Variants in SLC10A1 observed in about 807,000 individuals in gnomAD.
The protein encoded by SLC10A1 is hepatic sodium/bile acid cotransporter.
SLC10A1 carries 36 observed loss-of-function variants against 20.5 expected under a neutral mutation model. That is an observed-to-expected ratio of 1.75 (90% CI 1.34 to 2.32). The LOEUF (loss-of-function observed/expected upper bound fraction) is 2.32, where lower values mean the gene tolerates loss of function less well. Ranked by LOEUF, SLC10A1 falls within the 30% of genes most tolerant of loss-of-function variation. SLC10A1 has a pLI of 0.00. For synonymous variants in SLC10A1, 188 were observed against 163.6 expected (o/e 1.15, Z -1.14); for missense variants, 545 against 439.1 (o/e 1.24, Z -2.16).
At chr14:69,784,462 G>C (rs1057147037) in intron 2 of SLC10A1, among the ~76,000 whole-genome samples, 2 of 152,130 alleles carry the variant, frequency 1.3e-5, no homozygotes, top group Non-Finnish European at 2.9e-5. Flanking sequence ...GGTCACTCAT[G>C]AGAGAGCTCT....
chr14:69,777,126 T>C (rs1883464679), intron 4 of SLC10A1, among the ~76,000 whole-genome samples: 1 of 152,210 alleles, frequency 6.6e-6, no homozygotes, highest in African/African-American at 2.4e-5. Context: ...AAACCTCAAA[T>C]CTGGGAATTT....
chr14:69,793,211 G>A (rs1382225188), intron 1 of SLC10A1, among the ~76,000 whole-genome samples: 3 of 152,120 alleles, frequency 2.0e-5, no homozygotes, highest in African/African-American at 7.2e-5. Flanking sequence ...GGGTATGCAG[G>A]AGCCATGTTC....
rs763520236 is a variant in SLC10A1 at position 69,778,398 on chromosome 14, TG to T, written c.877del (p.Gln293SerfsTer27). The T allele has an allele frequency of 1.2e-6, 2 of 1,613,750 alleles. No homozygotes were observed. Among genetic ancestry groups the T allele is most frequent in the African/African-American group, 2.7e-5 (2 of 74,870 alleles). On this transcript the variant is annotated frameshift_variant, in exon 4 of 5. Transcript: ENST00000216540. LOFTEE classifies it high-confidence loss of function. ...AATGAGGAGAAGCCCTTCTCCAAGC[TG>T]GAAAATCATGTAGAGGAGGGGAAAG... is the stretch of plus-strand genomic sequence containing the variant. ...FFFPLLYMIF[Q>X]LGEGLLLIAI... is the part of the protein sequence containing the mutation.
chr14:69,782,018 A>G (rs1297623284), intron 2 of SLC10A1, among the ~76,000 whole-genome samples: 1 of 152,170 alleles, frequency 6.6e-6, no homozygotes, highest in Non-Finnish European at 1.5e-5. Context: ...GGCACTCACT[A>G]TATTATTTAT....
chr14:69,784,318 CAAGG>C (rs1429954578), intron 2 of SLC10A1, among the ~76,000 whole-genome samples: 1 of 152,094 alleles, frequency 6.6e-6, no homozygotes, highest in Admixed American at 6.6e-5. Context: ...GCTAGAAGGT[CAAGG>C]AAGGATTGAG....
intron 1 of SLC10A1, among the ~76,000 whole-genome samples, chr14:69,791,220 C>A (rs1328669340): frequency 1.3e-5 from 2 of 151,908 alleles, no homozygotes; most frequent in African/African-American, 4.8e-5. Context: ...AATAAAACTT[C>A]CAGACTTATA....
intron 1 of SLC10A1, among the ~76,000 whole-genome samples, chr14:69,795,519 C>T (rs1882371783): frequency 6.6e-6 from 1 of 150,848 alleles, no homozygotes. Flanking sequence ...ATCCTCTCAT[C>T]TCAGCCTCCC....
intron 2 of SLC10A1, among the ~76,000 whole-genome samples, chr14:69,781,631 C>T (rs1383117486): frequency 6.6e-6 from 1 of 152,198 alleles, no homozygotes; most frequent in Admixed American, 6.5e-5. Flanking sequence ...GTGGGAAATG[C>T]ATGAGTAGAG....
chr14:69,779,376 A>G lies in SLC10A1; in HGVS notation c.568-16T>C. On this transcript the variant is annotated splice_polypyrimidine_tract_variant and intron_variant, in intron 2 of 4. Coordinates refer to ENST00000216540, the MANE Select transcript of SLC10A1 (RefSeq NM_003049.4). ...TCATCCCTCCCTGGGAATGAAGACA[A>G]GAAAAGGCAATTAGAAGAGTTGGGG... 1 of 1,598,420 alleles carries G rather than the reference A, an allele frequency of 6.3e-7. No individual in the cohort carries two copies. Among genetic ancestry groups the G allele is most frequent in the Non-Finnish European group, 8.6e-7 (1 of 1,168,430 alleles).
intron 1 of SLC10A1, among the ~76,000 whole-genome samples, chr14:69,796,184 G>A (rs575755903): frequency 6.6e-6 from 1 of 152,336 alleles, no homozygotes; most frequent in South Asian, 2.1e-4. Flanking sequence ...TGGCTGAGAT[G>A]GGGCTGGCCT....
At chr14:69,788,590 G>A (rs1160961841) in intron 1 of SLC10A1, among the ~76,000 whole-genome samples, 1 of 151,464 alleles carries the variant, frequency 6.6e-6, no homozygotes, top group Non-Finnish European at 1.5e-5. Context: ...TGTCGCCCAG[G>A]CTGGAGTGCA....
At chr14:69,777,609 A>ATTTTTTTTTTTTTTTTTTTT (rs1209960018) in intron 4 of SLC10A1, among the ~76,000 whole-genome samples, 1 of 79,638 alleles carries the variant, frequency 1.3e-5, no homozygotes, top group African/African-American at 4.1e-5. Flanking sequence ...TTTTTTTAAA[A>ATTTTTTTTTTTTTTTTTTTT]TTGGTGTTAA....
chr14:69,779,396 T>C lies in SLC10A1; in HGVS notation c.568-36A>G, dbSNP rs375662105. On this transcript the variant is annotated intron_variant, in intron 2 of 4. Coordinates refer to ENST00000216540, the MANE Select transcript of SLC10A1 (RefSeq NM_003049.4). ...AGACAAGAAAAGGCAATTAGAAGAG[T>C]TGGGGATAGAGAGGAACAGAGGTGG... 5 of 1,571,358 alleles carry C rather than the reference T, an allele frequency of 3.2e-6. No homozygotes were observed. The African/African-American group carries it at 6.8e-5, about 21-fold the overall frequency.
At position 69,776,006 on chromosome 14, in the gene SLC10A1, C is replaced by T; in HGVS notation, c.*276G>A. Reference sequence around the variant, plus strand: ...TGCTTATCAGACACTTTTAGAGATCCCAGCAAGAGGCAGATTCGGTTTCTG... The same window carrying T: ...TGCTTATCAGACACTTTTAGAGATCTCAGCAAGAGGCAGATTCGGTTTCTG... On this transcript the variant is annotated 3_prime_UTR_variant, in exon 5 of 5. Coordinates refer to ENST00000216540, the MANE Select transcript of SLC10A1 (RefSeq NM_003049.4). 2.5e-6 allele frequency: 1 copy of T among 404,472 alleles called. No individual in the cohort carries two copies. The highest frequency in any genetic ancestry group is 4.4e-6 in the Non-Finnish European group (1 of 225,072). 25.1% of individuals were successfully genotyped at this position (404,472 alleles called of 1,614,324 possible). A position where few individuals can be genotyped will look rare whatever the true frequency, so the allele number is the denominator to read the frequency against.
intron 2 of SLC10A1, among the ~76,000 whole-genome samples, chr14:69,785,562 C>T (rs1392700992): frequency 6.6e-6 from 1 of 150,920 alleles, no homozygotes; most frequent in Non-Finnish European, 1.5e-5. Context: ...TCTTGTTTCT[C>T]TCGTGTGTTA....
intron 2 of SLC10A1, among the ~76,000 whole-genome samples, chr14:69,779,565 T>C (rs1314354639): frequency 6.6e-6 from 1 of 152,224 alleles, no homozygotes; most frequent in Non-Finnish European, 1.5e-5. Context: ...AGGGTCTTAC[T>C]ATGTTGCCCA....
chr14:69,785,331 C>G (rs1452915983), intron 2 of SLC10A1, among the ~76,000 whole-genome samples: 1 of 152,226 alleles, frequency 6.6e-6, no homozygotes, highest in Non-Finnish European at 1.5e-5. Flanking sequence ...CCATCCCTCT[C>G]TTGAAATGCT....
At chr14:69,789,739 T>C (rs1231887591) in intron 1 of SLC10A1, among the ~76,000 whole-genome samples, 2 of 152,044 alleles carry the variant, frequency 1.3e-5, no homozygotes, top group African/African-American at 4.8e-5. Flanking sequence ...AGGGAGCAAA[T>C]AAAGCAATTA....
chr14:69,796,798 A>C lies in SLC10A1; in HGVS notation c.356+2T>G, dbSNP rs781181196. The C allele has an allele frequency of 7.4e-6, 12 of 1,611,244 alleles. No homozygotes were observed. Among genetic ancestry groups the C allele is most frequent in the Middle Eastern group, 3.3e-4 (2 of 6,050 alleles). On this transcript the variant is annotated splice_donor_variant, in intron 1 of 4. Transcript: ENST00000216540. LOFTEE classifies it high-confidence loss of function. Reference sequence around the variant, plus strand: ...CTGTTCCCTCCTCACCCCCAGGCCTACCTGAGGTTCATGTCCCCCTTCATG... The same window carrying C: ...CTGTTCCCTCCTCACCCCCAGGCCTCCCTGAGGTTCATGTCCCCCTTCATG...
Sources: allele counts gnomAD v4.1 joint callset (sites outside exome capture counted in the v4.1 genomes callset), GRCh38; gene constraint gnomAD v4.1.1; transcripts MANE v1.5; gene names NCBI Gene and HGNC (gene_info 2026-07-23, HGNC 2026-07-21).